The following RCAN2 variants were observed in gnomAD, a reference collection of about 807,000 sequenced individuals.
The protein encoded by RCAN2 is calcipressin-2.
RCAN2 carries 9 observed loss-of-function variants against 23.6 expected under a neutral mutation model. The observed-to-expected ratio is 0.38, with a 90% CI of 0.23 to 0.67. The LOEUF (loss-of-function observed/expected upper bound fraction) is 0.67, where lower values mean the gene tolerates loss of function less well. Ranked by LOEUF, RCAN2 falls within the 30% of genes least tolerant of loss-of-function variation. The pLI is 0.51. For missense variants in RCAN2, 273 were observed against 302.3 expected, an observed-to-expected ratio of 0.90 and a Z score of 0.72; for synonymous variants, 109 against 115.7, an observed-to-expected ratio of 0.94 and a Z score of 0.37.
At chr6:46,358,137 G>A (rs1764898699) in intron 2 of RCAN2, among the ~76,000 whole-genome samples, 1 of 152,190 alleles carries the variant, frequency 6.6e-6, no homozygotes, top group African/African-American at 2.4e-5. Flanking sequence ...ATTTATCTAA[G>A]CAAAAGCACT....
intron 2 of RCAN2, among the ~76,000 whole-genome samples, chr6:46,412,678 A>C (rs1766581252): frequency 6.6e-6 from 1 of 152,192 alleles, no homozygotes; most frequent in South Asian, 2.1e-4. Context: ...GAGGTCAAGA[A>C]GGATAAGAAC....
chr6:46,399,552 G>T (rs1339410826), intron 2 of RCAN2, among the ~76,000 whole-genome samples: 1 of 151,744 alleles, frequency 6.6e-6, no homozygotes, highest in Non-Finnish European at 1.5e-5. Flanking sequence ...AGTGCTGGAG[G>T]CTGGAAGTCT....
At chr6:46,225,941 C>A (rs1765649268) in intron 4 of RCAN2, among the ~76,000 whole-genome samples, 1 of 152,144 alleles carries the variant, frequency 6.6e-6, no homozygotes, top group African/African-American at 2.4e-5. Context: ...AGTCTTTAAT[C>A]CATCTTGAAT....
intron 4 of RCAN2, among the ~76,000 whole-genome samples, chr6:46,235,605 A>C (rs946382817): frequency 2.0e-5 from 3 of 152,228 alleles, no homozygotes; most frequent in African/African-American, 7.2e-5. Context: ...TTCCGTTACC[A>C]GCTATCACGC....
At chr6:46,245,355 A>G in intron 4 of RCAN2, among the ~76,000 whole-genome samples, 1 of 152,224 alleles carries the variant, frequency 6.6e-6, no homozygotes, top group South Asian at 2.1e-4. Context: ...AGAAGTGCTT[A>G]TTAATCAGAT....
At chr6:46,442,931 C>A (rs1406693974) in intron 2 of RCAN2, among the ~76,000 whole-genome samples, 1 of 152,136 alleles carries the variant, frequency 6.6e-6, no homozygotes, top group Admixed American at 6.5e-5. Context: ...CCTACAGCAG[C>A]GTTCAAATCT....
rs766388944 is a variant in RCAN2, at chr6:46,402,332, C to T, written c.225+54420G>A. Among the ~76,000 whole-genome samples the T allele has an allele frequency of 1.2e-4, 19 of 152,130 alleles. No individual in the cohort carries two copies. In the South Asian group the frequency reaches 2.7e-3, roughly 22 times the overall value. ...CGTTGGGGCTCAGAAAATGATACCC[C>T]GAAGGGAAGGCCTCTGGAGCAGCCT... On this transcript the variant is annotated intron_variant, in intron 2 of 4. Transcript: ENST00000371374.
chr6:46,337,904 T>C (rs1423545199), intron 2 of RCAN2, among the ~76,000 whole-genome samples: 2 of 152,194 alleles, frequency 1.3e-5, no homozygotes, highest in Non-Finnish European at 2.9e-5. Context: ...ATGTGCTGAT[T>C]TAACATTCTG....
intron 4 of RCAN2, among the ~76,000 whole-genome samples, chr6:46,242,101 G>A (rs530256669): frequency 1.3e-5 from 2 of 152,160 alleles, no homozygotes; most frequent in Admixed American, 6.5e-5. Flanking sequence ...CGTGGCCCTC[G>A]TCTCCTGTCG....
intron 2 of RCAN2, among the ~76,000 whole-genome samples, chr6:46,289,522 A>G (rs1158631689): frequency 6.6e-6 from 1 of 152,224 alleles, no homozygotes; most frequent in African/African-American, 2.4e-5. Context: ...GTGCTAATGT[A>G]GAGAGTGGGC....
At chr6:46,451,030 A>C (rs1767866962) in intron 2 of RCAN2, among the ~76,000 whole-genome samples, 1 of 152,162 alleles carries the variant, frequency 6.6e-6, no homozygotes, top group African/African-American at 2.4e-5. Context: ...TGTATACAAT[A>C]AATGTATACA....
At chr6:46,323,360 G>A (rs1763680279) in intron 2 of RCAN2, among the ~76,000 whole-genome samples, 1 of 150,112 alleles carries the variant, frequency 6.7e-6, no homozygotes, top group South Asian at 2.1e-4. Flanking sequence ...GAAGACTAAG[G>A]CCCAGAAAGA....
At chr6:46,459,872 A>C (rs1768160379) in intron 1 of RCAN2, among the ~76,000 whole-genome samples, 1 of 152,188 alleles carries the variant, frequency 6.6e-6, no homozygotes, top group South Asian at 2.1e-4. Context: ...ACAGTATTGC[A>C]ATTTTTACTG....
intron 4 of RCAN2, among the ~76,000 whole-genome samples, chr6:46,236,585 T>G (rs1447776089): frequency 6.6e-6 from 1 of 152,174 alleles, no homozygotes; most frequent in Non-Finnish European, 1.5e-5. Flanking sequence ...TGCTGCAGCT[T>G]AAGGTACACA....
chr6:46,232,355 T>C (rs1765926590), intron 4 of RCAN2, among the ~76,000 whole-genome samples: 1 of 152,148 alleles, frequency 6.6e-6, no homozygotes, highest in Admixed American at 6.5e-5. Context: ...TCTGCAGACA[T>C]TGCTAAGGAG....
chr6:46,406,758 A>G (rs1227885043), intron 2 of RCAN2, among the ~76,000 whole-genome samples: 1 of 152,262 alleles, frequency 6.6e-6, no homozygotes, highest in East Asian at 1.9e-4. Flanking sequence ...TGGCTTGGCT[A>G]TAAATTATCA....
At chr6:46,473,905 A>G (rs1768637038) in intron 1 of RCAN2, among the ~76,000 whole-genome samples, 1 of 152,248 alleles carries the variant, frequency 6.6e-6, no homozygotes, top group Non-Finnish European at 1.5e-5. Context: ...ATAAACTCAC[A>G]TATTTCTCTT....
intron 4 of RCAN2, among the ~76,000 whole-genome samples, chr6:46,235,876 G>A (rs1226145687): frequency 6.6e-6 from 1 of 152,150 alleles, no homozygotes; most frequent in Non-Finnish European, 1.5e-5. Context: ...AGCCACCTAA[G>A]ACAACAGTTG....
At chr6:46,287,780 A>G (rs1762421040) in intron 2 of RCAN2, among the ~76,000 whole-genome samples, 1 of 152,242 alleles carries the variant, frequency 6.6e-6, no homozygotes, top group Non-Finnish European at 1.5e-5. Context: ...GTGTTCTGGA[A>G]AGAGTATGGG....
Sources: allele counts gnomAD v4.1 joint callset (sites outside exome capture counted in the v4.1 genomes callset), GRCh38; gene constraint gnomAD v4.1.1; transcripts MANE v1.5; gene names NCBI Gene and HGNC (gene_info 2026-07-23, HGNC 2026-07-21).